Variants in RAVER2 observed in about 807,000 individuals in gnomAD.
RAVER2 encodes ribonucleoprotein PTB-binding 2.
A neutral mutation model predicts 78.1 loss-of-function variants in RAVER2; 46 were observed. The observed-to-expected ratio is 0.59, with a 90% CI of 0.46 to 0.75. RAVER2 has a LOEUF of 0.75. RAVER2 is among the 30% of genes least tolerant of loss of function. The pLI, the probability that RAVER2 is intolerant of heterozygous loss-of-function variation, is 0.00. For missense variants in RAVER2, 793 were observed against 837.5 expected (o/e 0.95, Z 0.66); for synonymous variants, 311 against 313.3 (o/e 0.99, Z 0.08).
intron 1 of RAVER2, among the ~76,000 whole-genome samples, chr1:64,758,222 A>G (rs1356020702): frequency 2.0e-5 from 3 of 152,194 alleles, no homozygotes; most frequent in Admixed American, 2.0e-4. Context: ...TATTTGTGCA[A>G]TTGTGATAGC....
intron 5 of RAVER2, among the ~76,000 whole-genome samples, chr1:64,800,860 A>G (rs1653242636): frequency 6.6e-6 from 1 of 152,098 alleles, no homozygotes; most frequent in African/African-American, 2.4e-5. Context: ...CACTGATATC[A>G]TTCTACTCCT....
intron 4 of RAVER2, among the ~76,000 whole-genome samples, chr1:64,788,277 C>G (rs1297434474): frequency 6.6e-6 from 1 of 151,762 alleles, no homozygotes. Context: ...TCAAGACCAT[C>G]CTGGCTAACA....
At chr1:64,758,317 T>TA (rs1212454484) in intron 1 of RAVER2, among the ~76,000 whole-genome samples, 1 of 151,970 alleles carries the variant, frequency 6.6e-6, no homozygotes, top group Non-Finnish European at 1.5e-5. Context: ...GTGATTATGT[T>TA]AAATGGCAAA....
Position 64,775,061 on chromosome 1 carries a change from T to G in RAVER2, c.317-2562T>G, listed in dbSNP as rs191398749. ...GACGTTGCTGAAGTTGCTTATCAGC[T>G]TAAGGAGATTGTGGGCTGAGATGAT... On this transcript the variant is annotated intron_variant, in intron 2 of 11. Transcript: ENST00000294428. Among the ~76,000 whole-genome samples, 580 of 152,284 alleles carry G rather than the reference T, an allele frequency of 3.8e-3. 4 individuals are homozygous for G. Among genetic ancestry groups the G allele is most frequent in the African/African-American group, 0.013 (546 of 41,558 alleles).
At chr1:64,829,524 G>C (rs1412927107) in intron 11 of RAVER2, among the ~76,000 whole-genome samples, 3 of 152,234 alleles carry the variant, frequency 2.0e-5, no homozygotes, top group African/African-American at 7.2e-5. Context: ...CTGGGAGGAA[G>C]GGTTTTTGGG....
Position 64,788,805 on chromosome 1 carries a change from AAAG to A in RAVER2, c.979-578_979-576del, listed in dbSNP as rs914595279. Among the ~76,000 whole-genome samples the A allele has an allele frequency of 2.8e-4, 43 of 152,098 alleles. No homozygotes were observed. In the South Asian group the frequency reaches 5.2e-3, roughly 18 times the overall value. On this transcript the variant is annotated intron_variant, in intron 4 of 11. Transcript: ENST00000294428. ...AGACTCCGTCTCAAAAAAAAAAAAA[AAAG>A]AAGATTTTGAATTGTAAGGCAACCC...
At position 64,776,204 on chromosome 1, in the gene RAVER2, CAGCATA is replaced by C. The variant is rs1420053343; in HGVS notation, c.317-1416_317-1411del. On this transcript the variant is annotated intron_variant, in intron 2 of 11. Coordinates refer to ENST00000294428, the Ensembl canonical transcript of RAVER2. ...AACAGAATTAAATTGTATTTTATGTCAGCATAAGGAAAAAAGACATAGAATCAAAAT... is the reference window on the plus strand; with the variant it reads ...AACAGAATTAAATTGTATTTTATGTCAGGAAAAAAGACATAGAATCAAAAT... Among the ~76,000 whole-genome samples, 4 of 151,760 alleles carry C rather than the reference CAGCATA, an allele frequency of 2.6e-5. No homozygotes were observed. In the East Asian group the frequency reaches 7.7e-4, roughly 29 times the overall value.
chr1:64,828,157 A>ACC (rs200329508), intron 11 of RAVER2, among the ~76,000 whole-genome samples: 31 of 51,296 alleles, frequency 6.0e-4, no homozygotes, highest in South Asian at 2.1e-3. Context: ...TTTCAAACCC[A>ACC]CCCCCCCCAC....
At chr1:64,787,254 C>G (rs77406370) in intron 4 of RAVER2, among the ~76,000 whole-genome samples, 3,216 of 152,174 alleles carry the variant, frequency 0.021, 130 homozygotes, top group African/African-American at 0.074. Context: ...CTCCAAATGT[C>G]TAGCTATTTT....
At chr1:64,771,007 G>A (rs2483618) in intron 2 of RAVER2, among the ~76,000 whole-genome samples, 1,646 of 152,050 alleles carry the variant, frequency 0.011, 33 homozygotes, top group African/African-American at 0.038. Context: ...TAAAGAATTA[G>A]TAGCTGAAAA....
chr1:64,825,752 G>A (rs902834716), intron 11 of RAVER2, among the ~76,000 whole-genome samples: 2 of 152,096 alleles, frequency 1.3e-5, no homozygotes, highest in African/African-American at 4.8e-5. Context: ...GTGACATTCT[G>A]TTTCTACATT....
At chr1:64,767,267 G>A (rs942236025) in intron 1 of RAVER2, among the ~76,000 whole-genome samples, 11 of 151,830 alleles carry the variant, frequency 7.2e-5, no homozygotes, top group African/African-American at 2.4e-4. Context: ...TAGGGCACTC[G>A]TGGTATTGTT....
chr1:64,767,628 G>C (rs1652209207), intron 1 of RAVER2, among the ~76,000 whole-genome samples: 2 of 152,068 alleles, frequency 1.3e-5, no homozygotes, highest in Admixed American at 6.6e-5. Context: ...TCTGGAGTCA[G>C]AATGTCTACC....
intron 4 of RAVER2, among the ~76,000 whole-genome samples, chr1:64,783,018 A>T (rs918700047): frequency 2.0e-5 from 3 of 152,038 alleles, no homozygotes; most frequent in Admixed American, 2.0e-4. Flanking sequence ...TCTGAGAATG[A>T]TGGTTTCCAG....
At chr1:64,790,242 T>TA (rs35385796) in intron 5 of RAVER2, among the ~76,000 whole-genome samples, 6,642 of 152,260 alleles carry the variant, frequency 0.044, 314 homozygotes, top group East Asian at 0.2. Context: ...ATAAACTACT[T>TA]ATAGGTTTTA....
exon 12 of RAVER2, chr1:64,830,974 C>A: frequency 6.2e-7 from 1 of 1,613,424 alleles, no homozygotes; most frequent in Non-Finnish European, 8.5e-7. Flanking sequence ...AAAAAAGAAG[C>A]GAGTATACTG....
At chr1:64,746,644 A>G (rs868627367) in intron 1 of RAVER2, among the ~76,000 whole-genome samples, 15 of 152,210 alleles carry the variant, frequency 9.9e-5, no homozygotes, top group African/African-American at 3.4e-4. Context: ...ATGGGGGGCT[A>G]TTTTGTTTCA....
At chr1:64,810,386 C>G (rs1196131455) in intron 9 of RAVER2, among the ~76,000 whole-genome samples, 2 of 152,154 alleles carry the variant, frequency 1.3e-5, no homozygotes, top group Non-Finnish European at 2.9e-5. Flanking sequence ...GGATACTGTT[C>G]CTGCTTTACA....
rs537789058 is a variant in RAVER2, at chr1:64,831,118, G to A, written c.*133G>A. On this transcript the variant is annotated 3_prime_UTR_variant, in exon 12 of 12. Transcript: ENST00000294428. ...AGTTTCCCAGAAGGAACTGTGTTGT[G>A]CAGCAGGCAGAAATGCCAAATAAAA... 9.0e-5 allele frequency: 83 copies of A among 925,406 alleles called. No homozygotes were observed. The African/African-American group carries it at 1.3e-3, about 15-fold the overall frequency. The allele number at this position is 925,406 out of a possible 1,614,324, so 57.3% of individuals were successfully genotyped here. A position where few individuals can be genotyped will look rare whatever the true frequency, so the allele number is the denominator to read the frequency against.
Sources: allele counts gnomAD v4.1 joint callset (sites outside exome capture counted in the v4.1 genomes callset), GRCh38; gene constraint gnomAD v4.1.1; transcripts MANE v1.5; gene names NCBI Gene and HGNC (gene_info 2026-07-23, HGNC 2026-07-21).